ZBTB8A: variants seen among roughly 807,000 people sequenced by gnomAD.
ZBTB8A encodes zinc finger and BTB domain containing 8A, also known as zinc finger and BTB domain-containing protein 8A.
In ZBTB8A, 19 loss-of-function variants were observed where a neutral mutation model predicts 37.8. That is an observed-to-expected ratio of 0.50 (90% confidence interval 0.35 to 0.74). ZBTB8A has a LOEUF of 0.74. Among genes scored for constraint, ZBTB8A ranks in the 30% least tolerant of loss-of-function variants. The pLI, the probability that ZBTB8A is intolerant of heterozygous loss-of-function variation, is 0.01. For missense variants in ZBTB8A, 394 were observed against 537.8 expected (o/e 0.73, Z 2.65); for synonymous variants, 181 against 185.2 (o/e 0.98, Z 0.19).
At chr1:32,563,577 C>T (rs1187881674) in intron 2 of ZBTB8A, among the ~76,000 whole-genome samples, 1 of 152,120 alleles carries the variant, frequency 6.6e-6, no homozygotes, top group African/African-American at 2.4e-5. Context: ...ATTCTCTTGC[C>T]TTAACCTCCC....
intron 2 of ZBTB8A, 34 bp from the exon 3 acceptor site, chr1:32,592,897 G>T (rs1248580935): frequency 6.6e-7 from 1 of 1,522,902 alleles, no homozygotes; most frequent in Non-Finnish European, 8.9e-7. Context: ...TGTAATGTAG[G>T]TTTTGGTAAC....
chr1:32,592,017 AT>A (rs1644494159), intron 2 of ZBTB8A, among the ~76,000 whole-genome samples: 1 of 151,728 alleles, frequency 6.6e-6, no homozygotes, highest in East Asian at 1.9e-4. Flanking sequence ...TAATTTTTGT[AT>A]TTTTAGTAGA....
chr1:32,586,275 C>T (rs553608053), intron 2 of ZBTB8A, among the ~76,000 whole-genome samples: 5 of 152,216 alleles, frequency 3.3e-5, no homozygotes, highest in East Asian at 1.9e-4. Flanking sequence ...ACCGAGATCT[C>T]GCCATTGCAT....
chr1:32,598,061 C>G (rs998982644), intron 4 of ZBTB8A, among the ~76,000 whole-genome samples: 1 of 151,370 alleles, frequency 6.6e-6, no homozygotes, highest in African/African-American at 2.4e-5. Context: ...GCCTAATACG[C>G]ATAATATTAC....
At chr1:32,595,004 T>C in intron 3 of ZBTB8A, 50 bp from the exon 4 acceptor site, 1 of 1,481,492 alleles carries the variant, frequency 6.7e-7, no homozygotes. Context: ...TTTCTGTTAT[T>C]AGAATTGTTA....
chr1:32,541,787 A>G (rs1327978236), intron 1 of ZBTB8A, among the ~76,000 whole-genome samples: 1 of 152,192 alleles, frequency 6.6e-6, no homozygotes, highest in Admixed American at 6.5e-5. Context: ...TAAGGGCACT[A>G]ATTCCATCCA....
At chr1:32,583,730 T>A (rs995859978) in intron 2 of ZBTB8A, among the ~76,000 whole-genome samples, 1 of 151,908 alleles carries the variant, frequency 6.6e-6, no homozygotes, top group African/African-American at 2.4e-5. Flanking sequence ...TGTGAAGATG[T>A]GAGGAGAGAA....
intron 1 of ZBTB8A, among the ~76,000 whole-genome samples, chr1:32,547,828 C>CAA (rs1194254576): frequency 0.027 from 817 of 30,430 alleles, 29 homozygotes; most frequent in African/African-American, 0.052. Context: ...ACAAACAAAG[C>CAA]AAAAAAAAAA....
intron 1 of ZBTB8A, among the ~76,000 whole-genome samples, chr1:32,546,571 GC>G (rs1421258070): frequency 6.6e-6 from 1 of 152,060 alleles, no homozygotes; most frequent in Non-Finnish European, 1.5e-5. Flanking sequence ...AGCCCCGGAG[GC>G]CAAGGCTGCA....
rs1306861205 is a variant in ZBTB8A at position 32,593,047 on chromosome 1, G to A, written c.116G>A (p.Arg39Gln). The A allele has an allele frequency of 1.2e-6, 2 of 1,614,164 alleles. No homozygotes were observed. The highest frequency in any genetic ancestry group is 1.7e-5 in the Admixed American group (1 of 60,008). Residue 39 changes from arginine (R) to glutamine (Q), a missense_variant, in exon 3 of 5, where the codon CGA becomes CAA. By Grantham distance (43) the Arg-to-Gln change is conservative. Coordinates refer to ENST00000373510, the MANE Select transcript of ZBTB8A (RefSeq NM_001040441.3). ...GAAGGGAAGGTCTTCAAAGCACATC[G>A]AAATGTATTATTCGCTAGTAGCGGC... ...LVEGKVFKAH[R>Q]NVLFASSGYF...
chr1:32,582,509 ATG>A (rs1557713310), intron 2 of ZBTB8A, among the ~76,000 whole-genome samples: 1 of 152,072 alleles, frequency 6.6e-6, no homozygotes. Context: ...TTAGCTGGAC[ATG>A]GTGGCACATA....
At chr1:32,586,920 G>T (rs1251783982) in intron 2 of ZBTB8A, among the ~76,000 whole-genome samples, 2 of 152,128 alleles carry the variant, frequency 1.3e-5, no homozygotes, top group African/African-American at 2.4e-5. Flanking sequence ...GCTGTATTCA[G>T]ACTAGGCTGA....
At chr1:32,575,691 A>T (rs1398853255) in intron 2 of ZBTB8A, among the ~76,000 whole-genome samples, 1 of 150,598 alleles carries the variant, frequency 6.6e-6, no homozygotes, top group Admixed American at 6.6e-5. Flanking sequence ...TCTGCAAAAA[A>T]TTAAAAAAAA....
Position 32,560,177 on chromosome 1 carries a change from G to A in ZBTB8A, c.-2+6637G>A, listed in dbSNP as rs1644232556. On this transcript the variant is annotated intron_variant, in intron 2 of 4. Transcript: ENST00000373510. Reference sequence around the variant, plus strand: ...TCACTATACAGTATCAAGGGGGGATGGTGCTAAACCATCATGAGAACTCTG... The same window carrying A: ...TCACTATACAGTATCAAGGGGGGATAGTGCTAAACCATCATGAGAACTCTG... Among the ~76,000 whole-genome samples the A allele has an allele frequency of 2.0e-5, 3 of 152,106 alleles. No individual in the cohort carries two copies. In the South Asian group the frequency reaches 6.2e-4, roughly 32 times the overall value.
In ZBTB8A at chr1:32,601,074, G is replaced by A. The variant is rs1004269470; in HGVS notation, c.*655G>A. ...TTGTTAAAAAAAAAAAAAAGTAGAG[G>A]CTGGCCAAAGATTATATACAGATAT... is the stretch of plus-strand genomic sequence containing the variant. On this transcript the variant is annotated 3_prime_UTR_variant, in exon 5 of 5. Transcript: ENST00000373510. 6.6e-5 allele frequency: 10 copies of A among 151,634 alleles called. No homozygotes were observed. The highest frequency in any genetic ancestry group is 1.3e-4 in the Non-Finnish European group (9 of 67,974). The allele number at this position is 151,634 out of a possible 1,614,324, so 9.4% of individuals were successfully genotyped here. A position where few individuals can be genotyped will look rare whatever the true frequency, so the allele number is the denominator to read the frequency against.
At chr1:32,593,858 G>A (rs1292711381) in intron 3 of ZBTB8A, 104 bp downstream of exon 3, 1 of 887,258 alleles carries the variant, frequency 1.1e-6, no homozygotes, top group African/African-American at 1.7e-5. Context: ...AGCAGTTGAA[G>A]CAAGTGATTT....
At chr1:32,542,951 T>C (rs1288415616) in intron 1 of ZBTB8A, among the ~76,000 whole-genome samples, 1 of 152,226 alleles carries the variant, frequency 6.6e-6, no homozygotes, top group African/African-American at 2.4e-5. Flanking sequence ...AATCACATAA[T>C]TCTGAAAATA....
intron 2 of ZBTB8A, among the ~76,000 whole-genome samples, chr1:32,567,468 T>C (rs974257719): frequency 1.3e-5 from 2 of 152,002 alleles, no homozygotes; most frequent in African/African-American, 4.8e-5. Flanking sequence ...TTTTACCAAA[T>C]TCTTTTGTTT....
chr1:32,582,641 C>CA (rs200979052), intron 2 of ZBTB8A, among the ~76,000 whole-genome samples: 120 of 138,234 alleles, frequency 8.7e-4, no homozygotes, highest in East Asian at 5.1e-3. Context: ...GAAACTCTCT[C>CA]AAAAAAAAAA....
Sources: gnomAD v4.1 joint callset for allele counts (sites outside exome capture counted in the v4.1 genomes callset) on GRCh38, gnomAD v4.1.1 for gene constraint, MANE v1.5 for transcripts, NCBI Gene and HGNC (gene_info 2026-07-23, HGNC 2026-07-21) for gene names.